The following NOTCH2 variants were observed in gnomAD, a reference collection of about 807,000 sequenced individuals.
The protein encoded by NOTCH2 is notch receptor 2.
In NOTCH2, 29 loss-of-function variants were observed where a neutral mutation model predicts 235.8. The ratio of observed to expected loss-of-function variants is 0.12; its 90% CI spans 0.09 to 0.17. The LOEUF (loss-of-function observed/expected upper bound fraction) is 0.17, where lower values mean the gene tolerates loss of function less well. NOTCH2 is among the 10% of genes least tolerant of loss of function. NOTCH2 has a pLI of 1.00. For synonymous variants in NOTCH2, 1,086 were observed against 1,141.5 expected (o/e 0.95, Z 0.98); for missense variants, 2,285 against 3,150.2 (o/e 0.73, Z 6.57).
At chr1:119,948,631 G>A in intron 16 of NOTCH2, 65 bp from the exon 17 acceptor site, 1 of 1,585,978 alleles carries the variant, frequency 6.3e-7, no homozygotes, top group Non-Finnish European at 8.7e-7. Context: ...AATCTACGCA[G>A]GACCTGAGCT....
chr1:119,974,873 A>G (rs1194905419), intron 5 of NOTCH2, among the ~76,000 whole-genome samples: 1 of 152,150 alleles, frequency 6.6e-6, no homozygotes, highest in Admixed American at 6.5e-5. Flanking sequence ...CCATTTCGCT[A>G]TAAGCTCCAG....
intron 2 of NOTCH2, among the ~76,000 whole-genome samples, chr1:120,015,091 G>C (rs1226274185): frequency 6.6e-6 from 1 of 150,468 alleles, no homozygotes; most frequent in African/African-American, 2.4e-5. Flanking sequence ...GAAAAAGAGA[G>C]GCATGCTTTA....
At chr1:120,046,106 T>C (rs1278329963) in intron 1 of NOTCH2, among the ~76,000 whole-genome samples, 3 of 145,986 alleles carry the variant, frequency 2.1e-5, no homozygotes, top group Non-Finnish European at 3.0e-5. Flanking sequence ...GTTTGAAGGG[T>C]CCTGCTTTAC....
chr1:120,046,200 G>C (rs1206434587), intron 1 of NOTCH2, among the ~76,000 whole-genome samples: 3 of 121,166 alleles, frequency 2.5e-5, no homozygotes, highest in Middle Eastern at 3.4e-3. Context: ...GATAAACCTG[G>C]TATATCTTCC....
intron 17 of NOTCH2, among the ~76,000 whole-genome samples, chr1:119,947,501 T>C (rs913887036): frequency 4.6e-5 from 7 of 152,170 alleles, no homozygotes; most frequent in Non-Finnish European, 1.0e-4. Context: ...ATTTAAATGA[T>C]ATCACCAAGA....
chr1:120,027,002 A>G (rs1290250383), intron 2 of NOTCH2, among the ~76,000 whole-genome samples: 3 of 126,596 alleles, frequency 2.4e-5, no homozygotes, highest in Middle Eastern at 8.5e-3. Flanking sequence ...CTCAGGCTGG[A>G]GTGCAGTGGT....
chr1:119,946,748 T>C (rs1356051286), intron 17 of NOTCH2, among the ~76,000 whole-genome samples: 2 of 152,056 alleles, frequency 1.3e-5, no homozygotes, highest in Non-Finnish European at 2.9e-5. Context: ...ACTTTTCCCC[T>C]AGGATCAAAA....
intron 5 of NOTCH2, among the ~76,000 whole-genome samples, chr1:119,971,532 C>T (rs1033646266): frequency 2.0e-5 from 3 of 152,068 alleles, no homozygotes; most frequent in Admixed American, 6.6e-5. Flanking sequence ...ATCAGAAGTG[C>T]ACAGAGAGCC....
intron 17 of NOTCH2, among the ~76,000 whole-genome samples, chr1:119,945,482 A>C (rs1650220682): frequency 6.6e-6 from 1 of 152,120 alleles, no homozygotes; most frequent in Non-Finnish European, 1.5e-5. Context: ...CGCTCTCTAC[A>C]AGAAACCCAT....
rs1553197318 is a variant in NOTCH2, at chr1:119,948,428, T to C, written c.2738A>G (p.Asp913Gly). Residue 913 changes from aspartate to glycine, a missense_variant, in exon 17 of 34, where the codon GAT becomes GGT. By Grantham distance (94) the Asp-to-Gly change is moderately conservative. Transcript: ENST00000256646. ...GGCATACTCACTGGCAAGGCAGTCATCAATGTCCTCCTCACAGTCCATACC... is the reference window on the plus strand; with the variant it reads ...GGCATACTCACTGGCAAGGCAGTCACCAATGTCCTCCTCACAGTCCATACC... ...FSGMDCEEDI[D>G]DCLANPCQNG... 6.2e-7 allele frequency: 1 copy of C among 1,614,184 alleles called. No homozygotes were observed. Among genetic ancestry groups the C allele is most frequent in the South Asian group, 1.1e-5 (1 of 91,080 alleles).
chr1:119,916,131 A>C lies in NOTCH2; in HGVS notation c.6591T>G (p.His2197Gln), dbSNP rs763940848. The C allele has an allele frequency of 6.2e-7, 1 of 1,614,166 alleles. No individual in the cohort carries two copies. The highest frequency in any genetic ancestry group is 2.2e-5 in the East Asian group (1 of 44,878). Reference protein sequence around the residue: ...AAPPAPVHAQHALSFSNLHEM... With the variant: ...AAPPAPVHAQQALSFSNLHEM... ...CATGAAGGTTAGAAAAAGATAGTGC[A>C]TGCTGGGCATGGACTGGGGCAGGAG... is the stretch of plus-strand genomic sequence containing the variant. Residue 2197 changes from histidine to glutamine, a missense_variant, in exon 34 of 34, where the codon CAT becomes CAG. His to Gln is a conservative substitution (Grantham distance 24). Coordinates refer to ENST00000256646, the MANE Select transcript of NOTCH2 (RefSeq NM_024408.4).
At chr1:120,000,145 G>C (rs1178785574) in intron 3 of NOTCH2, among the ~76,000 whole-genome samples, 1 of 152,004 alleles carries the variant, frequency 6.6e-6, no homozygotes, top group Non-Finnish European at 1.5e-5. Flanking sequence ...GAGCTAGTAA[G>C]CTGACTGAGG....
intron 14 of NOTCH2, among the ~76,000 whole-genome samples, chr1:119,952,831 A>G (rs955787717): frequency 2.6e-5 from 4 of 152,234 alleles, no homozygotes; most frequent in Admixed American, 2.6e-4. Flanking sequence ...AAGTTTGTTG[A>G]AAGAGTTCTG....
At chr1:120,004,629 T>C (rs1207036767) in intron 3 of NOTCH2, among the ~76,000 whole-genome samples, 2 of 151,038 alleles carry the variant, frequency 1.3e-5, no homozygotes, top group Non-Finnish European at 3.0e-5. Flanking sequence ...AGGAACAGGG[T>C]TCAGAAAACC....
intron 17 of NOTCH2, among the ~76,000 whole-genome samples, chr1:119,943,950 T>C (rs1228338554): frequency 6.6e-6 from 1 of 151,956 alleles, no homozygotes; most frequent in East Asian, 1.9e-4. Context: ...CTAAATGAGA[T>C]GAACAGTAAA....
At chr1:119,936,517 T>C (rs1649855119) in intron 21 of NOTCH2, among the ~76,000 whole-genome samples, 1 of 152,140 alleles carries the variant, frequency 6.6e-6, no homozygotes, top group Admixed American at 6.5e-5. Flanking sequence ...TTAAAACAAC[T>C]AGATGTGTCA....
chr1:119,959,337 A>G (rs1553198735), intron 12 of NOTCH2, 55 bp downstream of exon 12: 1 of 936,858 alleles, frequency 1.1e-6, no homozygotes, highest in Non-Finnish European at 1.8e-6. Context: ...TTTGGATGCT[A>G]TATTCCCAAA....
chr1:119,966,232 T>A (rs1458378537), intron 9 of NOTCH2, 144 bp downstream of exon 9: 1 of 708,648 alleles, frequency 1.4e-6, no homozygotes, highest in Non-Finnish European at 2.6e-6. Context: ...TCTCTATTTC[T>A]GTACACACAC....
intron 2 of NOTCH2, among the ~76,000 whole-genome samples, chr1:120,011,851 C>A (rs1418193961): frequency 6.6e-6 from 1 of 150,936 alleles, no homozygotes; most frequent in Non-Finnish European, 1.5e-5. Flanking sequence ...CCTGTCTCTA[C>A]TAAAAATATA....
Sources: allele counts gnomAD v4.1 joint callset (sites outside exome capture counted in the v4.1 genomes callset), GRCh38; gene constraint gnomAD v4.1.1; transcripts MANE v1.5; gene names NCBI Gene and HGNC (gene_info 2026-07-23, HGNC 2026-07-21).